The following TMCO5A variants were observed in gnomAD, a reference collection of about 807,000 sequenced individuals.
TMCO5A encodes the protein transmembrane and coiled-coil domains 5A, also known as transmembrane and coiled-coil domain-containing protein 5A.
In TMCO5A, 34 loss-of-function variants were observed where a neutral mutation model predicts 42.3. The observed-to-expected ratio is 0.80, with a 90% CI of 0.61 to 1.07. The LOEUF (loss-of-function observed/expected upper bound fraction) is 1.07, where lower values mean the gene tolerates loss of function less well. Among genes scored for constraint, TMCO5A ranks in the 50% least tolerant of loss-of-function variants. The pLI is 0.00. For synonymous variants in TMCO5A, 131 were observed against 115.6 expected (o/e 1.13, Z -0.86); for missense variants, 357 against 327.9 (o/e 1.09, Z -0.69).
intron 10 of TMCO5A, among the ~76,000 whole-genome samples, chr15:37,945,128 T>C (rs559252191): frequency 5.2e-4 from 79 of 152,248 alleles, no homozygotes; most frequent in African/African-American, 1.9e-3. Flanking sequence ...CATGCAGTGT[T>C]TGGGTTTCTG....
chr15:38,031,218 T>C, the TMCO5A span, among the ~76,000 whole-genome samples: 1 of 152,142 alleles, frequency 6.6e-6, no homozygotes. Context: ...TCCTTCCATG[T>C]CTTCTCCCTA....
chr15:37,959,682 T>C (rs973495256), intron 11 of TMCO5A, among the ~76,000 whole-genome samples: 1 of 151,948 alleles, frequency 6.6e-6, no homozygotes, highest in Non-Finnish European at 1.5e-5. Flanking sequence ...AGAAAGAACA[T>C]AGCTCAACGT....
the TMCO5A span, among the ~76,000 whole-genome samples, chr15:37,986,522 A>G: frequency 6.6e-6 from 1 of 151,768 alleles, no homozygotes; most frequent in Non-Finnish European, 1.5e-5. Flanking sequence ...GTACATTCAC[A>G]CTTTTGTGTA....
At chr15:37,974,361 AT>A in the TMCO5A span, among the ~76,000 whole-genome samples, 1 of 152,166 alleles carries the variant, frequency 6.6e-6, no homozygotes, top group Non-Finnish European at 1.5e-5. Context: ...ATGTGATAGA[AT>A]TTAGTTGTGA....
At chr15:37,967,749 CCTT>C (rs1890589961), downstream of TMCO5A, 1 of 152,142 alleles carries the variant, frequency 6.6e-6, no homozygotes, top group African/African-American at 2.4e-5. Flanking sequence ...TATTTGAACT[CCTT>C]CTTGAAGTTA....
At chr15:37,977,659 A>T in the TMCO5A span, among the ~76,000 whole-genome samples, 1 of 152,088 alleles carries the variant, frequency 6.6e-6, no homozygotes, top group Non-Finnish European at 1.5e-5. Context: ...TTGACTGAAG[A>T]TCTCAGTTTG....
chr15:38,033,982 T>A, the TMCO5A span, among the ~76,000 whole-genome samples: 1 of 152,206 alleles, frequency 6.6e-6, no homozygotes, highest in Admixed American at 6.5e-5. Context: ...TTTATTAATA[T>A]AAAGAATGAG....
At chr15:38,007,060 ATAT>A in the TMCO5A span, among the ~76,000 whole-genome samples, 1 of 152,166 alleles carries the variant, frequency 6.6e-6, no homozygotes, top group South Asian at 2.1e-4. Context: ...ATGTCATGAA[ATAT>A]TATTTTAAAA....
At chr15:37,941,308 A>C in intron 7 of TMCO5A, 103 bp downstream of exon 7, 1 of 1,181,676 alleles carries the variant, frequency 8.5e-7, no homozygotes, top group Non-Finnish European at 1.2e-6. Flanking sequence ...AAGGTTCCAG[A>C]TCCAAGACCA....
At chr15:37,993,044 TA>T in the TMCO5A span, among the ~76,000 whole-genome samples, 1 of 152,208 alleles carries the variant, frequency 6.6e-6, no homozygotes, top group African/African-American at 2.4e-5. Context: ...TCAGTTATGA[TA>T]TTTTTTAGCT....
chr15:38,021,275 A>G, the TMCO5A span, among the ~76,000 whole-genome samples: 55 of 152,334 alleles, frequency 3.6e-4, no homozygotes, highest in Admixed American at 1.0e-3. Flanking sequence ...TAATTAAGGT[A>G]GGCTAAACCA....
chr15:37,999,774 A>G, the TMCO5A span, among the ~76,000 whole-genome samples: 15 of 152,294 alleles, frequency 9.8e-5, no homozygotes, highest in East Asian at 1.9e-4. Context: ...TTCAGCATCA[A>G]TTGAAATGAT....
the TMCO5A span, among the ~76,000 whole-genome samples, chr15:37,982,809 A>G: frequency 2.0e-5 from 3 of 147,394 alleles, no homozygotes; most frequent in African/African-American, 7.4e-5. Flanking sequence ...TAGATATTAT[A>G]TTTCATATAT....
At chr15:38,018,290 A>C in the TMCO5A span, among the ~76,000 whole-genome samples, 1 of 139,230 alleles carries the variant, frequency 7.2e-6, no homozygotes, top group Non-Finnish European at 1.5e-5. Flanking sequence ...TGAAGACTTA[A>C]CTCTAAGTAA....
At chr15:37,957,869 C>T (rs1890329452) in intron 11 of TMCO5A, among the ~76,000 whole-genome samples, 1 of 152,160 alleles carries the variant, frequency 6.6e-6, no homozygotes, top group Non-Finnish European at 1.5e-5. Context: ...ACCAAAACAG[C>T]ATGGTACTGG....
At chr15:37,975,859 A>G in the TMCO5A span, among the ~76,000 whole-genome samples, 1 of 151,220 alleles carries the variant, frequency 6.6e-6, no homozygotes, top group Non-Finnish European at 1.5e-5. Context: ...GGCGGACAAT[A>G]TTAGTCTTTC....
downstream of TMCO5A, among the ~76,000 whole-genome samples, chr15:37,955,982 C>T (rs1215527068): frequency 6.6e-6 from 1 of 152,142 alleles, no homozygotes. Context: ...AAACAACCTG[C>T]TCCTGAATGA....
At chr15:37,936,556 C>A in intron 3 of TMCO5A, 93 bp downstream of exon 3, 1 of 1,454,354 alleles carries the variant, frequency 6.9e-7, no homozygotes, top group Non-Finnish European at 9.2e-7. Flanking sequence ...GTTCTAGAGA[C>A]TTCTACCTTG....
At chr15:38,014,600 G>A in the TMCO5A span, among the ~76,000 whole-genome samples, 1 of 152,072 alleles carries the variant, frequency 6.6e-6, no homozygotes, top group African/African-American at 2.4e-5. Flanking sequence ...AATTGATAGA[G>A]AGAGGTGAAA....
Sources: allele counts gnomAD v4.1 joint callset (sites outside exome capture counted in the v4.1 genomes callset), GRCh38; gene constraint gnomAD v4.1.1; transcripts MANE v1.5; gene names NCBI Gene and HGNC (gene_info 2026-07-23, HGNC 2026-07-21).